Variants in SPATA17 observed in about 807,000 individuals in gnomAD.
SPATA17 encodes spermatogenesis-associated protein 17.
In SPATA17, 53 loss-of-function variants were observed where a neutral mutation model predicts 62.2. The ratio of observed to expected loss-of-function variants is 0.85; its 90% CI spans 0.68 to 1.07. The LOEUF (loss-of-function observed/expected upper bound fraction) is 1.07. Among genes scored for constraint, SPATA17 ranks in the 50% least tolerant of loss-of-function variants. SPATA17 has a pLI of 0.00. For synonymous variants in SPATA17, 146 were observed against 146.8 expected, an observed-to-expected ratio of 0.99 and a Z score of 0.04; for missense variants, 466 against 425.5, an observed-to-expected ratio of 1.10 and a Z score of -0.84.
chr1:217,749,863 G>T (rs374631776), intron 6 of SPATA17, among the ~76,000 whole-genome samples: 13 of 149,790 alleles, frequency 8.7e-5, no homozygotes, highest in African/African-American at 2.2e-4. Context: ...TCTGCCTATT[G>T]AGTCTGATCT....
At chr1:217,748,712 C>A (rs896668527) in intron 6 of SPATA17, among the ~76,000 whole-genome samples, 7 of 150,230 alleles carry the variant, frequency 4.7e-5, no homozygotes, top group African/African-American at 1.5e-4. Flanking sequence ...CCACTGCACT[C>A]CAGCCTGGGT....
In SPATA17 at chr1:217,649,261, T is replaced by C. The variant is rs112118626; in HGVS notation, c.158+290T>C. 3.8e-4 allele frequency among the ~76,000 whole-genome samples: 58 copies of C among 152,186 alleles called. 1 individual carries two copies. The highest frequency in any genetic ancestry group is 1.2e-3 in the African/African-American group (51 of 41,528). ...TGGGAGGCTGAGGCAGATGGATCAC[T>C]TGAGGTCAGGAGTTTGAGATCAGCC... On this transcript the variant is annotated intron_variant, in intron 2 of 10. Transcript: ENST00000366933.
intron 7 of SPATA17, 126 bp from the exon 8 acceptor site, chr1:217,782,048 C>A: frequency 1.1e-6 from 1 of 883,070 alleles, no homozygotes. Context: ...CAGCGAAGAA[C>A]AAATGGTGTT....
chr1:217,641,970 T>C (rs532305231), intron 1 of SPATA17, among the ~76,000 whole-genome samples: 7 of 152,332 alleles, frequency 4.6e-5, no homozygotes, highest in African/African-American at 1.7e-4. Context: ...TTGATATTCA[T>C]GACCTTGACA....
In SPATA17 at chr1:217,870,954, T is replaced by C. The variant is rs541809975; in HGVS notation, c.*3935T>C. 1 of 152,300 alleles carries C rather than the reference T, an allele frequency of 6.6e-6. No individual in the cohort carries two copies. Among genetic ancestry groups the C allele is most frequent in the Admixed American group, 6.5e-5 (1 of 15,280 alleles). The allele number at this position is 152,300 out of a possible 1,614,324, so 9.4% of individuals were successfully genotyped here. A position where few individuals can be genotyped will look rare whatever the true frequency, so the allele number is the denominator to read the frequency against. On this transcript the variant is annotated 3_prime_UTR_variant, in exon 11 of 11. Coordinates refer to ENST00000366933, the MANE Select transcript of SPATA17 (RefSeq NM_138796.4). ...AAAGAAGTTCAAAAAAATCTTTTAATAGAAGCTATAAAATAGCAGATAAGC... is the reference window on the plus strand; with the variant it reads ...AAAGAAGTTCAAAAAAATCTTTTAACAGAAGCTATAAAATAGCAGATAAGC...
chr1:217,648,638 G>A (rs1670241221), intron 1 of SPATA17, among the ~76,000 whole-genome samples: 1 of 152,086 alleles, frequency 6.6e-6, no homozygotes, highest in African/African-American at 2.4e-5. Context: ...TAAAATTGGT[G>A]ATTATCAAAA....
chr1:217,821,639 AAG>A (rs1674864589), intron 9 of SPATA17, among the ~76,000 whole-genome samples: 1 of 152,036 alleles, frequency 6.6e-6, no homozygotes. Context: ...TGAGTGGGAG[AAG>A]AGAGAGGAAT....
rs962811608 is a variant in SPATA17, at chr1:217,782,543, A to T, written c.872+221A>T. ...TGACAACTCAAAAGACAAAAAAAAG[A>T]TCGGCATTTTGAGGATAAATGATCA... On this transcript the variant is annotated intron_variant, in intron 8 of 10. Coordinates refer to ENST00000366933, the MANE Select transcript of SPATA17 (RefSeq NM_138796.4). Among the ~76,000 whole-genome samples the T allele has an allele frequency of 2.6e-5, 4 of 152,160 alleles. No homozygotes were observed. In the East Asian group the frequency reaches 5.8e-4, roughly 22 times the overall value.
At chr1:217,780,353 C>G (rs1444810495) in intron 7 of SPATA17, among the ~76,000 whole-genome samples, 1 of 151,980 alleles carries the variant, frequency 6.6e-6, no homozygotes, top group African/African-American at 2.4e-5. Context: ...ATGTACCAGG[C>G]ATTGCAAAGA....
At chr1:217,773,823 T>C (rs182706455) in intron 6 of SPATA17, among the ~76,000 whole-genome samples, 18 of 152,048 alleles carry the variant, frequency 1.2e-4, no homozygotes, top group Admixed American at 9.2e-4. Flanking sequence ...ATTATTAAAG[T>C]ACAAAAGTCA....
intron 5 of SPATA17, among the ~76,000 whole-genome samples, chr1:217,699,787 T>A (rs1571740416): frequency 1.3e-5 from 2 of 152,226 alleles, no homozygotes; most frequent in East Asian, 3.8e-4. Context: ...TGTCTGTCCC[T>A]AGATCCCAAA....
intron 9 of SPATA17, among the ~76,000 whole-genome samples, chr1:217,812,778 A>G (rs561473328): frequency 4.6e-5 from 7 of 152,342 alleles, no homozygotes; most frequent in Non-Finnish European, 7.4e-5. Context: ...ACATTCACAT[A>G]TGTTCATATT....
chr1:217,723,580 C>T (rs1366461993), intron 5 of SPATA17, among the ~76,000 whole-genome samples: 1 of 152,140 alleles, frequency 6.6e-6, no homozygotes, highest in African/African-American at 2.4e-5. Flanking sequence ...TCACTATACT[C>T]CTAGCACCTA....
At chr1:217,742,894 G>A (rs1376944001) in intron 6 of SPATA17, among the ~76,000 whole-genome samples, 2 of 151,882 alleles carry the variant, frequency 1.3e-5, no homozygotes, top group Non-Finnish European at 2.9e-5. Flanking sequence ...TCAAGTCCCA[G>A]TGGTGAAGGG....
intron 6 of SPATA17, among the ~76,000 whole-genome samples, chr1:217,748,763 A>T (rs969665926): frequency 9.3e-5 from 13 of 139,596 alleles, no homozygotes; most frequent in African/African-American, 2.3e-4. Context: ...AAAAAAAAAA[A>T]CTTTAATTCT....
Position 217,670,969 on chromosome 1 carries a change from A to G in SPATA17, c.291+1886A>G, listed in dbSNP as rs188842012. On this transcript the variant is annotated intron_variant, in intron 4 of 10. Coordinates refer to ENST00000366933, the MANE Select transcript of SPATA17 (RefSeq NM_138796.4). ...CCGTCTCAGGAAAAAAAAAAAAAAAAAAAGAAATCCCCACACCCTTTTCTG... is the reference window on the plus strand; with the variant it reads ...CCGTCTCAGGAAAAAAAAAAAAAAAGAAAGAAATCCCCACACCCTTTTCTG... Among the ~76,000 whole-genome samples the G allele has an allele frequency of 6.8e-3, 1,026 of 151,532 alleles. 12 individuals are homozygous for G. Among genetic ancestry groups the G allele is most frequent in the African/African-American group, 0.024 (990 of 41,318 alleles).
At chr1:217,648,160 A>G (rs541940698) in intron 1 of SPATA17, among the ~76,000 whole-genome samples, 2 of 152,316 alleles carry the variant, frequency 1.3e-5, no homozygotes, top group South Asian at 4.1e-4. Context: ...TGCATCATAT[A>G]GTAATCTTAT....
intron 5 of SPATA17, among the ~76,000 whole-genome samples, chr1:217,740,496 C>T (rs1672604632): frequency 6.6e-6 from 1 of 152,106 alleles, no homozygotes; most frequent in African/African-American, 2.4e-5. Context: ...AAAGAAAGGT[C>T]ACCAATCCCT....
At chr1:217,704,910 G>GTATA (rs932866096) in intron 5 of SPATA17, among the ~76,000 whole-genome samples, 3 of 152,074 alleles carry the variant, frequency 2.0e-5, no homozygotes, top group African/African-American at 7.2e-5. Flanking sequence ...ATTCCTTTGG[G>GTATA]TATATACCCA....
Sources: gnomAD v4.1 joint callset for allele counts (sites outside exome capture counted in the v4.1 genomes callset) on GRCh38, gnomAD v4.1.1 for gene constraint, MANE v1.5 for transcripts, NCBI Gene and HGNC (gene_info 2026-07-23, HGNC 2026-07-21) for gene names.